SP110: variants seen among roughly 807,000 people sequenced by gnomAD.
SP110 encodes interferon-induced protein 41, 30kD.
A neutral mutation model predicts 92.7 loss-of-function variants in SP110; 62 were observed. That is an observed-to-expected ratio of 0.67 (90% CI 0.55 to 0.83). The LOEUF (loss-of-function observed/expected upper bound fraction) is 0.83. Ranked by LOEUF, SP110 falls within the 40% of genes least tolerant of loss-of-function variation. The probability of loss-of-function intolerance (pLI) is 0.00; values close to 1 mark genes in which losing one functional copy is unlikely to be tolerated. For missense variants in SP110, 793 were observed against 863.9 expected, an observed-to-expected ratio of 0.92 and a Z score of 1.03; for synonymous variants, 273 against 305.3, an observed-to-expected ratio of 0.89 and a Z score of 1.10.
rs769672517 is a variant in SP110, at chr2:230,169,186, C to CT, written c.2079dup (p.Asp694ArgfsTer10). On this transcript the variant is annotated frameshift_variant, in exon 19 of 19. Transcript: ENST00000258381. LOFTEE classifies it low-confidence loss of function (END_TRUNC). ...TGAAAACCGAGCACGTCTTTGAGAT[C>CT]TTTTTCAAATTCTGCCTCTAAGTCA... The CT allele has an allele frequency of 2.5e-6, 4 of 1,613,986 alleles. No homozygotes were observed. Among genetic ancestry groups the CT allele is most frequent in the Non-Finnish European group, 2.5e-6 (3 of 1,179,896 alleles).
chr2:230,212,435 A>AT lies in SP110; in HGVS notation c.584-6_584-5insA. The AT allele has an allele frequency of 6.3e-7, 1 of 1,599,156 alleles. No homozygotes were observed. Among genetic ancestry groups the AT allele is most frequent in the South Asian group, 1.1e-5 (1 of 90,782 alleles). On this transcript the variant is annotated splice_region_variant and splice_polypyrimidine_tract_variant and intron_variant, in intron 4 of 18. Coordinates refer to ENST00000258381, the MANE Select transcript of SP110 (RefSeq NM_080424.4). ...ATGTTAACTTGTCATTGGTCACTGA[A>AT]GGAGGAAAGGAAATTATTACAGATT... is the stretch of plus-strand genomic sequence containing the variant.
At chr2:230,219,675 T>C (rs191378163) in intron 1 of SP110, 199 bp downstream of exon 1, 3 of 153,138 alleles carry the variant, frequency 2.0e-5, no homozygotes, top group South Asian at 2.1e-4. Flanking sequence ...GGCTGGACTC[T>C]GGCGAAAAAA....
At position 230,202,671 on chromosome 2, in the gene SP110, G is replaced by A. The variant is rs778951656; in HGVS notation, c.956C>T (p.Pro319Leu). 4.1e-5 allele frequency: 66 copies of A among 1,613,944 alleles called. No individual in the cohort carries two copies. The highest frequency in any genetic ancestry group is 5.5e-5 in the Non-Finnish European group (65 of 1,179,980). Residue 319 changes from proline (P) to leucine (L), a missense_variant, in exon 9 of 19, where the codon CCT (proline) becomes CTT (leucine). By Grantham distance (98) the Pro-to-Leu change is moderately conservative (BLOSUM62 -3). Transcript: ENST00000258381. ...ACAAGTTGAGTCATCTTTCTTTTGA[G>A]GAACCTGATCCACCCTTTTGAGCTT... ...QKKLKRVDQVPQKKDDSTCNS... is the reference protein window; with the variant it reads ...QKKLKRVDQVLQKKDDSTCNS...
chr2:230,176,511 C>T, intron 14 of SP110: 1 of 1,549,396 alleles, frequency 6.5e-7, no homozygotes. Context: ...GAGTCATTTG[C>T]TTCCCCATCC....
intron 10 of SP110, among the ~76,000 whole-genome samples, chr2:230,200,273 G>GT (rs2043072241): frequency 6.6e-6 from 1 of 152,176 alleles, no homozygotes; most frequent in Non-Finnish European, 1.5e-5. Flanking sequence ...ATATCTAGCT[G>GT]TTTTTTCCCC....
chr2:230,205,386 C>T (rs2043655911), intron 8 of SP110, among the ~76,000 whole-genome samples: 1 of 152,320 alleles, frequency 6.6e-6, no homozygotes, highest in Middle Eastern at 3.4e-3. Context: ...TTGAGTCCCT[C>T]TGCCTGGACC....
At chr2:230,218,241 A>T (rs1265249918) in intron 1 of SP110, among the ~76,000 whole-genome samples, 1 of 152,268 alleles carries the variant, frequency 6.6e-6, no homozygotes, top group Non-Finnish European at 1.5e-5. Context: ...CAGAAAAGTA[A>T]ATCGTAATTA....
At chr2:230,214,718 T>C (rs2044908887) in intron 3 of SP110, among the ~76,000 whole-genome samples, 1 of 152,218 alleles carries the variant, frequency 6.6e-6, no homozygotes, top group African/African-American at 2.4e-5. Flanking sequence ...TTTTTCCAAA[T>C]TCATAGAACA....
In SP110 at chr2:230,177,630, T is replaced by G. The variant is rs747025392; in HGVS notation, c.1498A>C (p.Asn500His). The G allele has an allele frequency of 1.2e-6, 2 of 1,614,170 alleles. No individual in the cohort carries two copies. The highest frequency in any genetic ancestry group is 2.2e-5 in the South Asian group (2 of 91,084). ...CCTTTTCCTTCGACTTCAAATTCAT[T>G]TGGTGTTAACCAAGTTCCATCCTCA... ...RNEDGTWLTP[N>H]EFEVEGKGRN... is the part of the protein sequence containing the mutation. The change falls in exon 14 of 19, where the codon AAT becomes CAT. Residue 500 changes from asparagine to histidine, a missense_variant. Physicochemically the swap from Asn to His is moderately conservative, Grantham distance 68. Coordinates refer to ENST00000258381, the MANE Select transcript of SP110 (RefSeq NM_080424.4).
At position 230,216,870 on chromosome 2, in the gene SP110, T is replaced by C; in HGVS notation, c.58A>G (p.Lys20Glu). The C allele has an allele frequency of 6.2e-7, 1 of 1,614,020 alleles. No individual in the cohort carries two copies. Among genetic ancestry groups the C allele is most frequent in the South Asian group, 1.1e-5 (1 of 91,076 alleles). Residue 20 changes from lysine (K) to glutamate (E), a missense_variant, in exon 2 of 19, where the codon AAG becomes GAG. Physicochemically the swap from Lys to Glu is moderately conservative, Grantham distance 56. Coordinates refer to ENST00000258381, the MANE Select transcript of SP110 (RefSeq NM_080424.4). Reference protein sequence around the residue: ...EALFQHFMHQKLGIAYAIHKP... With the variant: ...EALFQHFMHQELGIAYAIHKP... ...TGTATGGCATAGGCGATCCCCAGCT[T>C]CTGGTGCATGAAGTGCTGAAAAAGA...
upstream of SP110, chr2:230,221,730 A>G: frequency 6.5e-7 from 1 of 1,536,076 alleles, no homozygotes; most frequent in Non-Finnish European, 8.7e-7. Flanking sequence ...ATCACCTGGA[A>G]AGCCCCTTCA....
chr2:230,212,493 G>T (rs1401329637), intron 4 of SP110, 63 bp from the exon 5 acceptor site: 2 of 1,323,164 alleles, frequency 1.5e-6, no homozygotes, highest in Non-Finnish European at 2.2e-6. Context: ...AAGAGTGAAT[G>T]TTAAAAGTGC....
In SP110 at chr2:230,209,967, G is replaced by A; in HGVS notation, c.793C>T (p.Pro265Ser). The change falls in exon 7 of 19, where the codon CCC becomes TCC. Residue 265 changes from proline (P) to serine (S), a missense_variant. Physicochemically the swap from Pro to Ser is moderately conservative, Grantham distance 74. Transcript: ENST00000258381. ...GAAGGTGTGCTGGACACCTCCTGGG[G>A]CTCTTCTGGGTCATTTGGTTCTGGA... ...NSPEPNDPEE[P>S]QEVSSTPSDK... is the part of the protein sequence containing the mutation. 1.2e-6 allele frequency: 2 copies of A among 1,610,150 alleles called. No homozygotes were observed. Among genetic ancestry groups the A allele is most frequent in the Non-Finnish European group, 1.7e-6 (2 of 1,176,376 alleles).
rs978212027 is a variant in SP110, at chr2:230,211,276, C to T, written c.751+194G>A. On this transcript the variant is annotated intron_variant, in intron 6 of 18. Coordinates refer to ENST00000258381, the MANE Select transcript of SP110 (RefSeq NM_080424.4). This position sits in a 1 kb window ranked among gnomAD's most constrained non-coding sequence, Gnocchi z 4.2. The stretch of plus-strand genomic sequence containing the variant: ...CCAGACTTGCCTCCTTTGCCCTCCC[C>T]CAGGGACTCTGTATCCATTCAGAGG... 2.6e-5 allele frequency among the ~76,000 whole-genome samples: 4 copies of T among 152,180 alleles called. No individual in the cohort carries two copies. Among genetic ancestry groups the T allele is most frequent in the African/African-American group, 9.7e-5 (4 of 41,442 alleles).
chr2:230,190,001 C>A (rs188936922), intron 10 of SP110, among the ~76,000 whole-genome samples: 8 of 152,314 alleles, frequency 5.3e-5, no homozygotes, highest in Admixed American at 2.0e-4. Flanking sequence ...GTAAATACTG[C>A]TGCGATAAAC....
intron 2 of SP110, among the ~76,000 whole-genome samples, chr2:230,215,645 A>G (rs938830034): frequency 1.3e-5 from 2 of 152,180 alleles, no homozygotes; most frequent in African/African-American, 4.8e-5. Context: ...ACAAAAGGAG[A>G]AATACGGCAA....
chr2:230,218,351 A>G (rs1001445634), intron 1 of SP110, among the ~76,000 whole-genome samples: 7 of 152,222 alleles, frequency 4.6e-5, no homozygotes, highest in Non-Finnish European at 2.9e-5. Flanking sequence ...AAAAATACTC[A>G]TGAAAAGAAT....
intron 10 of SP110, among the ~76,000 whole-genome samples, chr2:230,196,037 T>C (rs528966183): frequency 6.6e-6 from 1 of 152,324 alleles, no homozygotes; most frequent in South Asian, 2.1e-4. Flanking sequence ...GTTTGGATGT[T>C]AAGGATACCT....
rs754347604 is a variant in SP110 at position 230,177,563 on chromosome 2, C to G, written c.1565G>C (p.Gly522Ala). The change falls in exon 14 of 19, where the codon GGA becomes GCA. Residue 522 changes from glycine to alanine, a missense_variant. Gly to Ala is a moderately conservative substitution (Grantham distance 60). Coordinates refer to ENST00000258381, the MANE Select transcript of SP110 (RefSeq NM_080424.4). ...CTTCAGCAGCTCTCCTAGGGTCATT[C>G]CTTCACAACGTATATTCCGTTTCCA... ...KNWKRNIRCE[G>A]MTLGELLKRK... 1 of 1,614,116 alleles carries G rather than the reference C, an allele frequency of 6.2e-7. No individual in the cohort carries two copies. Among genetic ancestry groups the G allele is most frequent in the Non-Finnish European group, 8.5e-7 (1 of 1,179,940 alleles).
Sources: allele counts gnomAD v4.1 joint callset (sites outside exome capture counted in the v4.1 genomes callset), GRCh38; gene constraint gnomAD v4.1.1; non-coding constraint Gnocchi (gnomAD v3.1); transcripts MANE v1.5; gene names NCBI Gene and HGNC (gene_info 2026-07-23, HGNC 2026-07-21).